The following POLDIP3 variants were observed in gnomAD, a reference collection of about 807,000 sequenced individuals.
POLDIP3 encodes polymerase delta-interacting protein 3.
A neutral mutation model predicts 45.1 loss-of-function variants in POLDIP3; 14 were observed. That is an observed-to-expected ratio of 0.31 (90% CI 0.20 to 0.49). The LOEUF (loss-of-function observed/expected upper bound fraction) is 0.49. Among genes scored for constraint, POLDIP3 ranks in the 20% least tolerant of loss-of-function variants. The probability of loss-of-function intolerance (pLI) is 0.99; values close to 1 mark genes in which losing one functional copy is unlikely to be tolerated. For synonymous variants in POLDIP3, 223 were observed against 205.2 expected (o/e 1.09, Z -0.74); for missense variants, 511 against 538.8 (o/e 0.95, Z 0.51).
intron 6 of POLDIP3, among the ~76,000 whole-genome samples, chr22:42,593,159 TATAA>T (rs772135752): frequency 1.2e-4 from 19 of 152,370 alleles, no homozygotes; most frequent in East Asian, 5.8e-4. Context: ...GTAAATGCTA[TATAA>T]ATAGTTATAC....
At chr22:42,596,411 G>A in intron 4 of POLDIP3, 46 bp from the exon 5 acceptor site, 2 of 1,568,184 alleles carry the variant, frequency 1.3e-6, no homozygotes, top group South Asian at 1.1e-5. Context: ...GACCTGCAAT[G>A]TTCTGAAGAA....
At position 42,614,843 on chromosome 22, in the gene POLDIP3, G is replaced by A. The variant is rs760403655; in HGVS notation, c.15C>T (p.Ser5=). Residue 5 remains serine (S), a synonymous_variant, in exon 1 of 9, where the codon TCC becomes TCT. Coordinates refer to ENST00000252115, the MANE Select transcript of POLDIP3 (RefSeq NM_032311.5). ...CGCGCTTCCTGATGAGTTCGTCCAG[G>A]GAGATGTCCGCCATCTTGCTCCGCC... MADI[S]LDELIRKRGA... is the part of the protein sequence containing the mutation. The A allele has an allele frequency of 4.3e-6, 7 of 1,613,910 alleles. No homozygotes were observed. The highest frequency in any genetic ancestry group is 1.3e-5 in the African/African-American group (1 of 74,944).
intron 1 of POLDIP3, among the ~76,000 whole-genome samples, chr22:42,605,883 T>G (rs1191204310): frequency 6.6e-6 from 1 of 152,214 alleles, no homozygotes; most frequent in Non-Finnish European, 1.5e-5. Context: ...GACTCACACC[T>G]GTAATCCCAG....
chr22:42,603,249 A>C, intron 1 of POLDIP3, 89 bp from the exon 2 acceptor site: 1 of 1,413,392 alleles, frequency 7.1e-7, no homozygotes, highest in South Asian at 1.3e-5. Flanking sequence ...CTGGGGACAG[A>C]GGAGGCCCTG....
rs910029018 is a variant in POLDIP3 at position 42,593,783 on chromosome 22, T to G, written c.892-1699A>C. On this transcript the variant is annotated intron_variant, in intron 6 of 8. Coordinates refer to ENST00000252115, the MANE Select transcript of POLDIP3 (RefSeq NM_032311.5). ...ATCCACCAACCTTGGCCTCCCAAAG[T>G]GCTGGGATTACAGGCGTGAGCCACT... is the stretch of plus-strand genomic sequence containing the variant. Among the ~76,000 whole-genome samples the G allele has an allele frequency of 8.5e-5, 13 of 152,120 alleles. 1 individual carries two copies. The highest frequency in any genetic ancestry group is 1.5e-5 in the Non-Finnish European group (1 of 67,996).
rs375166655 is a variant in POLDIP3, at chr22:42,585,931, C to G, written c.1126G>C (p.Glu376Gln). 1 of 1,613,292 alleles carries G rather than the reference C, an allele frequency of 6.2e-7. No individual in the cohort carries two copies. Among genetic ancestry groups the G allele is most frequent in the Non-Finnish European group, 8.5e-7 (1 of 1,179,856 alleles). The change falls in exon 9 of 9, where the codon GAG (glutamate) becomes CAG (glutamine). Residue 376 changes from glutamate (E) to glutamine (Q), a missense_variant. Transcript: ENST00000252115. ...GCAGAGTTCACCCTGCGAGGCAGCT[C>G]GCTCTCCTTTTTCATTGATGGGCTG... is the stretch of plus-strand genomic sequence containing the variant. Reference protein sequence around the residue: ...SDSPSMKKESELPRRVNSASS... With the variant: ...SDSPSMKKESQLPRRVNSASS...
intron 6 of POLDIP3, among the ~76,000 whole-genome samples, chr22:42,594,511 AAAAAC>A (rs527389622): frequency 6.6e-6 from 1 of 152,268 alleles, no homozygotes; most frequent in South Asian, 2.1e-4. Flanking sequence ...ACTCCATCTC[AAAAAC>A]AAAACAAAAC....
intron 7 of POLDIP3, among the ~76,000 whole-genome samples, chr22:42,591,184 A>T (rs1316306588): frequency 6.6e-6 from 1 of 152,140 alleles, no homozygotes; most frequent in Non-Finnish European, 1.5e-5. Flanking sequence ...AAAAACAAAA[A>T]AAGAACAGAA....
At chr22:42,606,757 T>C (rs1272952415) in intron 1 of POLDIP3, among the ~76,000 whole-genome samples, 1 of 152,170 alleles carries the variant, frequency 6.6e-6, no homozygotes, top group Non-Finnish European at 1.5e-5. Context: ...TGCCCAGCTT[T>C]AGACGTCCTT....
intron 1 of POLDIP3, among the ~76,000 whole-genome samples, chr22:42,604,343 G>C (rs1268007542): frequency 6.6e-6 from 1 of 152,130 alleles, no homozygotes; most frequent in Non-Finnish European, 1.5e-5. Context: ...CTCCTAAGCA[G>C]CATCGAGCCC....
At chr22:42,610,084 G>C (rs559753670) in intron 1 of POLDIP3, among the ~76,000 whole-genome samples, 1 of 151,860 alleles carries the variant, frequency 6.6e-6, no homozygotes, top group African/African-American at 2.4e-5. Flanking sequence ...TGAGGCAGGA[G>C]AATCGTTTGA....
chr22:42,583,935 A>C lies in POLDIP3; in HGVS notation c.*1856T>G, dbSNP rs117264041. On this transcript the variant is annotated 3_prime_UTR_variant, in exon 9 of 9. Transcript: ENST00000252115. ...TGGAGGAGGCAAACAGGTCCCCTCA[A>C]TGTACCAGATGGTCACCTATAGCAC... The C allele has an allele frequency of 6.6e-6, 1 of 152,308 alleles. No homozygotes were observed. The highest frequency in any genetic ancestry group is 1.5e-5 in the Non-Finnish European group (1 of 68,060). The allele number at this position is 152,308 out of a possible 1,614,324, so 9.4% of individuals were successfully genotyped here.
intron 6 of POLDIP3, among the ~76,000 whole-genome samples, chr22:42,593,813 C>T (rs1208931289): frequency 1.3e-5 from 2 of 152,164 alleles, no homozygotes; most frequent in Non-Finnish European, 1.5e-5. Flanking sequence ...GCCACTGCAC[C>T]CGGCAATCAG....
chr22:42,591,600 A>T (rs1028538787), intron 7 of POLDIP3, among the ~76,000 whole-genome samples: 1 of 152,226 alleles, frequency 6.6e-6, no homozygotes, highest in African/African-American at 2.4e-5. Flanking sequence ...CAACATTCAG[A>T]CAAAACTCCA....
At chr22:42,603,551 T>C (rs537811224) in intron 1 of POLDIP3, 2 of 188,630 alleles carry the variant, frequency 1.1e-5, no homozygotes, top group South Asian at 2.0e-4. Context: ...CCCATCCCCA[T>C]CCATGTTCTC....
chr22:42,591,945 C>A lies in POLDIP3; in HGVS notation c.1021+10G>T. ...GGGAGGGTCAGGGGACTGCTTTCTC[C>A]CTAACTTACCGTCCAGACACCGGTT... On this transcript the variant is annotated intron_variant, in intron 7 of 8. Coordinates refer to ENST00000252115, the MANE Select transcript of POLDIP3 (RefSeq NM_032311.5). 2 of 1,614,134 alleles carry A rather than the reference C, an allele frequency of 1.2e-6. No homozygotes were observed. Among genetic ancestry groups the A allele is most frequent in the Non-Finnish European group, 1.7e-6 (2 of 1,179,992 alleles).
chr22:42,584,579 T>A lies in POLDIP3; in HGVS notation c.*1212A>T. ...TCACTCCCAACCAGCAGGGGACCACTCAGTGACAACACTGGCCTGGTCATT... is the reference window on the plus strand; with the variant it reads ...TCACTCCCAACCAGCAGGGGACCACACAGTGACAACACTGGCCTGGTCATT... On this transcript the variant is annotated 3_prime_UTR_variant, in exon 9 of 9. Transcript: ENST00000252115. 3.8e-6 allele frequency: 1 copy of A among 262,922 alleles called. No homozygotes were observed. The highest frequency in any genetic ancestry group is 2.3e-5 in the African/African-American group (1 of 43,304). The allele number at this position is 262,922 out of a possible 1,614,324, so 16.3% of individuals were successfully genotyped here.
chr22:42,608,889 T>C (rs1361058710), intron 1 of POLDIP3, among the ~76,000 whole-genome samples: 1 of 152,222 alleles, frequency 6.6e-6, no homozygotes, highest in African/African-American at 2.4e-5. Flanking sequence ...GTTCCACCAG[T>C]GCTTTCAACT....
At chr22:42,602,114 G>C in intron 2 of POLDIP3, 58 bp from the exon 3 acceptor site, 1 of 1,611,756 alleles carries the variant, frequency 6.2e-7, no homozygotes, top group Non-Finnish European at 8.5e-7. Context: ...TTCTCTAGAA[G>C]AAGGGGGTTA....
Sources: allele counts gnomAD v4.1 joint callset (sites outside exome capture counted in the v4.1 genomes callset), GRCh38; gene constraint gnomAD v4.1.1; transcripts MANE v1.5; gene names NCBI Gene and HGNC (gene_info 2026-07-23, HGNC 2026-07-21).